The following PDE10A variants were observed in gnomAD, a reference collection of about 807,000 sequenced individuals.
PDE10A encodes the protein phosphodiesterase 10A, also known as cAMP and cAMP-inhibited cGMP 3',5'-cyclic phosphodiesterase 10A.
In PDE10A, 39 loss-of-function variants were observed where a neutral mutation model predicts 97.7. That is an observed-to-expected ratio of 0.40 (90% confidence interval 0.31 to 0.52). PDE10A has a LOEUF of 0.52. Among genes scored for constraint, PDE10A ranks in the 20% least tolerant of loss-of-function variants. The pLI is 0.56. For synonymous variants in PDE10A, 371 were observed against 376.8 expected, an observed-to-expected ratio of 0.98 and a Z score of 0.18; for missense variants, 731 against 1,047.8, an observed-to-expected ratio of 0.70 and a Z score of 4.17.
At chr6:165,576,556 CAAAA>C (rs1251988047) in intron 1 of PDE10A, 4 of 697,384 alleles carry the variant, frequency 5.7e-6, no homozygotes, top group Non-Finnish European at 1.1e-5. Flanking sequence ...AAAAACAAAA[CAAAA>C]AAATCAAATA....
Position 165,369,443 on chromosome 6 carries a change from A to T in PDE10A, c.2783+9751T>A, listed in dbSNP as rs1478794271. On this transcript the variant is annotated intron_variant, in intron 18 of 21. Transcript: ENST00000539869. The stretch of plus-strand genomic sequence containing the variant: ...ACTACGTGAAGAATGCAGAAGCCTC[A>T]GGAGCTGATGCGATCAACTGGAAGA... Among the ~76,000 whole-genome samples the T allele has an allele frequency of 1.2e-4, 18 of 151,668 alleles. No homozygotes were observed. In the East Asian group the frequency reaches 3.1e-3, roughly 26 times the overall value.
At chr6:165,919,175 A>T (rs1472386889) in intron 1 of PDE10A, among the ~76,000 whole-genome samples, 2 of 152,144 alleles carry the variant, frequency 1.3e-5, no homozygotes, top group African/African-American at 4.8e-5. Context: ...TTCTTCCGAG[A>T]TGGCAAGTGG....
intron 1 of PDE10A, among the ~76,000 whole-genome samples, chr6:165,908,108 A>C (rs1381889884): frequency 6.6e-6 from 1 of 152,222 alleles, no homozygotes; most frequent in Non-Finnish European, 1.5e-5. Flanking sequence ...GAGCAAGAAC[A>C]CTTTGAAAAG....
At chr6:165,635,985 GTTATCA>G (rs1788855612) in intron 1 of PDE10A, among the ~76,000 whole-genome samples, 1 of 152,204 alleles carries the variant, frequency 6.6e-6, no homozygotes, top group African/African-American at 2.4e-5. Context: ...CAAGCTAAGT[GTTATCA>G]TTATGTAAGC....
intron 1 of PDE10A, among the ~76,000 whole-genome samples, chr6:165,633,331 G>A (rs1472590732): frequency 6.6e-6 from 1 of 152,154 alleles, no homozygotes; most frequent in African/African-American, 2.4e-5. Context: ...TTCAGTTCAT[G>A]TCCCTGAAAT....
At chr6:165,941,482 C>T (rs1028133691) in intron 1 of PDE10A, among the ~76,000 whole-genome samples, 1 of 152,184 alleles carries the variant, frequency 6.6e-6, no homozygotes, top group African/African-American at 2.4e-5. Context: ...GGATATTTGT[C>T]CCCACCCAAA....
Position 165,396,474 on chromosome 6 carries a change from CAA to C in PDE10A, c.2077-17_2077-16del, listed in dbSNP as rs556354100. On this transcript the variant is annotated splice_polypyrimidine_tract_variant and intron_variant, in intron 13 of 21. Transcript: ENST00000539869. ...CTATGATACATCTAGAAGGCAAATCCAAAAAAAAAACCCCCAAAATTAAAAGA... is the reference window on the plus strand; with the variant it reads ...CTATGATACATCTAGAAGGCAAATCCAAAAAAAACCCCCAAAATTAAAAGA... The C allele has an allele frequency of 3.6e-6, 5 of 1,400,326 alleles. No homozygotes were observed. The highest frequency in any genetic ancestry group is 4.8e-6 in the Non-Finnish European group (5 of 1,044,366). The allele number at this position is 1,400,326 out of a possible 1,614,324, so 86.7% of individuals were successfully genotyped here.
At chr6:165,756,283 A>T (rs908281538) in intron 1 of PDE10A, among the ~76,000 whole-genome samples, 1 of 152,182 alleles carries the variant, frequency 6.6e-6, no homozygotes, top group African/African-American at 2.4e-5. Context: ...TTCCTATTTT[A>T]AAAAATACTT....
chr6:165,903,741 A>C (rs952550861), intron 1 of PDE10A, among the ~76,000 whole-genome samples: 6 of 150,030 alleles, frequency 4.0e-5, no homozygotes, highest in South Asian at 2.1e-4. Context: ...GAAAGTGTAG[A>C]TACAAAAAAA....
At chr6:165,467,263 C>T (rs1318815231) in intron 3 of PDE10A, among the ~76,000 whole-genome samples, 2 of 152,144 alleles carry the variant, frequency 1.3e-5, no homozygotes, top group Non-Finnish European at 2.9e-5. Context: ...AGCAAGTTAT[C>T]CAAAATATCT....
intron 1 of PDE10A, among the ~76,000 whole-genome samples, chr6:165,672,662 C>A (rs940726948): frequency 2.0e-5 from 3 of 152,188 alleles, no homozygotes; most frequent in African/African-American, 7.2e-5. Flanking sequence ...TTGGCTCTCA[C>A]ACTTCACTTG....
rs1266210175 is a variant in PDE10A at position 165,819,816 on chromosome 6, T to C, written c.-615+167713A>G. ...CAGTGGGTCTCAAGAAAGCTTTCCTTAAATGAATACATGAATGAATGATGG... is the reference window on the plus strand; with the variant it reads ...CAGTGGGTCTCAAGAAAGCTTTCCTCAAATGAATACATGAATGAATGATGG... On this transcript the variant is annotated intron_variant, in intron 1 of 19. Transcript: ENST00000366882. The surrounding 1 kb of genome is among the most constrained non-coding windows in gnomAD (Gnocchi z 4.2). 6.6e-6 allele frequency among the ~76,000 whole-genome samples: 1 copy of C among 152,220 alleles called. No individual in the cohort carries two copies. Among genetic ancestry groups the C allele is most frequent in the Non-Finnish European group, 1.5e-5 (1 of 68,036 alleles).
intron 3 of PDE10A, among the ~76,000 whole-genome samples, chr6:165,451,497 A>C (rs1791288175): frequency 6.6e-6 from 1 of 152,194 alleles, no homozygotes; most frequent in Admixed American, 6.5e-5. Flanking sequence ...CTCGCACAGT[A>C]ACACACCATG....
At chr6:165,856,708 A>G (rs1780746845) in intron 1 of PDE10A, among the ~76,000 whole-genome samples, 1 of 152,172 alleles carries the variant, frequency 6.6e-6, no homozygotes, top group South Asian at 2.1e-4. Context: ...AATTGAGTCA[A>G]CTGAATTTCC....
chr6:165,419,193 G>A (rs220739), intron 10 of PDE10A, among the ~76,000 whole-genome samples: 35,947 of 152,078 alleles, frequency 0.24, 4,825 homozygotes, highest in African/African-American at 0.36. Flanking sequence ...TCAGCACTAC[G>A]ACCACCACTC....
intron 1 of PDE10A, among the ~76,000 whole-genome samples, chr6:165,620,408 T>C (rs1788071495): frequency 6.6e-6 from 1 of 152,086 alleles, no homozygotes; most frequent in Non-Finnish European, 1.5e-5. Flanking sequence ...ACCTGAGCAA[T>C]TTCCCACCAG....
chr6:165,888,718 G>T (rs1781698302), intron 1 of PDE10A, among the ~76,000 whole-genome samples: 1 of 152,206 alleles, frequency 6.6e-6, no homozygotes. Flanking sequence ...CTCCAAAAAT[G>T]CATGAGCCTA....
rs760588043 is a variant in PDE10A at position 165,343,447 on chromosome 6, G to A, written c.2839C>T (p.Leu947=). ...TACDLCSVTK[L]WPVTKLTAND... ...GCCGTCAATTTTGTAACGGGCCACAGTTTTGTCACAGAACAAAGGTCACAG... is the reference window on the plus strand; with the variant it reads ...GCCGTCAATTTTGTAACGGGCCACAATTTTGTCACAGAACAAAGGTCACAG... The change falls in exon 19 of 22, where the codon CTG becomes TTG. Residue 947 remains leucine, a synonymous_variant. Coordinates refer to ENST00000539869, the MANE Select transcript of PDE10A (RefSeq NM_001385079.1). 2.5e-6 allele frequency: 4 copies of A among 1,614,018 alleles called. No individual in the cohort carries two copies. The highest frequency in any genetic ancestry group is 3.4e-6 in the Non-Finnish European group (4 of 1,179,952).
At position 165,725,820 on chromosome 6, in the gene PDE10A, A is replaced by G. The variant is rs925885014; in HGVS notation, c.-614-182252T>C. ...CATTCTTTCTGCCCCTAGCAAGCAC[A>G]AGACGTATCCAACTTGTCCTCCCAG... is the stretch of plus-strand genomic sequence containing the variant. On this transcript the variant is annotated intron_variant, in intron 1 of 19. Coordinates refer to the PDE10A transcript ENST00000366882. Among the ~76,000 whole-genome samples, 11 of 152,238 alleles carry G rather than the reference A, an allele frequency of 7.2e-5. No homozygotes were observed. In the East Asian group the frequency reaches 2.1e-3, roughly 29 times the overall value.
Sources: gnomAD v4.1 joint callset for allele counts (sites outside exome capture counted in the v4.1 genomes callset) on GRCh38, gnomAD v4.1.1 for gene constraint, Gnocchi (gnomAD v3.1) non-coding constraint, MANE v1.5 for transcripts, NCBI Gene and HGNC (gene_info 2026-07-23, HGNC 2026-07-21) for gene names.